DPYD: variants seen among roughly 807,000 people sequenced by gnomAD.
DPYD encodes the protein dihydropyrimidine dehydrogenase, also known as dihydropyrimidine dehydrogenase [NADP(+)].
A neutral mutation model predicts 116.2 loss-of-function variants in DPYD; 109 were observed. That is an observed-to-expected ratio of 0.94 (90% confidence interval 0.80 to 1.10). The LOEUF (loss-of-function observed/expected upper bound fraction) is 1.10, where lower values mean the gene tolerates loss of function less well. Among genes scored for constraint, DPYD ranks in the 50% least tolerant of loss-of-function variants. The pLI is 0.00. For missense variants in DPYD, 1,302 were observed against 1,254.5 expected (o/e 1.04, Z -0.57); for synonymous variants, 440 against 432.0 (o/e 1.02, Z -0.23).
chr1:97,622,210 T>C lies in DPYD; in HGVS notation c.851-27044A>G, dbSNP rs182493309. ...AATTTTTTAGTGGAGAAACCTGACA[T>C]ACACTATGTTAGTCATGAAATCAAG... On this transcript the variant is annotated intron_variant, in intron 8 of 22. Transcript: ENST00000370192. Among the ~76,000 whole-genome samples the C allele has an allele frequency of 2.0e-5, 3 of 152,146 alleles. No homozygotes were observed. The East Asian group carries it at 5.8e-4, about 29-fold the overall frequency.
intron 18 of DPYD, among the ~76,000 whole-genome samples, chr1:97,237,735 A>C (rs2100759984): frequency 6.6e-6 from 1 of 152,338 alleles, no homozygotes; most frequent in African/African-American, 2.4e-5. Flanking sequence ...TTTGATAGAC[A>C]CACAGCTATC....
intron 20 of DPYD, among the ~76,000 whole-genome samples, chr1:97,113,248 G>A (rs115237965): frequency 2.0e-5 from 3 of 151,988 alleles, no homozygotes; most frequent in Admixed American, 6.6e-5. Context: ...AAGCTACAGC[G>A]GGCTCTCTGT....
intron 2 of DPYD, among the ~76,000 whole-genome samples, chr1:97,868,185 T>C (rs552520378): frequency 1.3e-5 from 2 of 151,226 alleles, no homozygotes; most frequent in East Asian, 3.9e-4. Context: ...ATTTATATCA[T>C]GAAAACCATA....
chr1:97,129,204 C>A (rs1653084057), intron 20 of DPYD, among the ~76,000 whole-genome samples: 1 of 151,940 alleles, frequency 6.6e-6, no homozygotes, highest in Non-Finnish European at 1.5e-5. Flanking sequence ...GCTGGGACTA[C>A]AGGCACGTGC....
chr1:97,700,229 C>T, intron 5 of DPYD: 1 of 455,852 alleles, frequency 2.2e-6, no homozygotes, highest in Non-Finnish European at 4.4e-6. Context: ...AGAACCACAG[C>T]TCAGAAAAGA....
intron 8 of DPYD, among the ~76,000 whole-genome samples, chr1:97,631,778 G>C (rs1240923739): frequency 6.6e-6 from 1 of 152,020 alleles, no homozygotes; most frequent in Admixed American, 6.6e-5. Flanking sequence ...GGAGTGGGTA[G>C]AGCTTTATGA....
chr1:97,469,789 T>C (rs1677541805), intron 13 of DPYD, among the ~76,000 whole-genome samples: 1 of 152,196 alleles, frequency 6.6e-6, no homozygotes, highest in South Asian at 2.1e-4. Flanking sequence ...AAATCTAATA[T>C]ACAGAGAAAT....
chr1:97,477,600 T>A (rs1678042154), intron 13 of DPYD, among the ~76,000 whole-genome samples: 1 of 133,016 alleles, frequency 7.5e-6, no homozygotes, highest in South Asian at 2.5e-4. Context: ...CCATGACTGT[T>A]CTTCTTTTTT....
chr1:97,540,244 C>A (rs1412067719), intron 12 of DPYD, among the ~76,000 whole-genome samples: 2 of 148,360 alleles, frequency 1.3e-5, no homozygotes, highest in Non-Finnish European at 3.0e-5. Context: ...TGCTTCTGAC[C>A]AACCAGCTAT....
intron 13 of DPYD, among the ~76,000 whole-genome samples, chr1:97,509,115 T>C (rs1313247734): frequency 1.3e-5 from 2 of 151,972 alleles, no homozygotes; most frequent in Non-Finnish European, 2.9e-5. Context: ...ACTAATATCA[T>C]GTGAAGCAAA....
At chr1:97,093,417 T>A (rs746557574) in intron 21 of DPYD, among the ~76,000 whole-genome samples, 1 of 152,210 alleles carries the variant, frequency 6.6e-6, no homozygotes, top group Non-Finnish European at 1.5e-5. Flanking sequence ...TTGGACAAAA[T>A]GGAAATGAAT....
chr1:97,845,524 C>T (rs1255486273), intron 2 of DPYD, among the ~76,000 whole-genome samples: 1 of 152,200 alleles, frequency 6.6e-6, no homozygotes, highest in Non-Finnish European at 1.5e-5. Context: ...ATGGGTCTCT[C>T]GAGTACTGTT....
At chr1:97,173,295 C>CATATATGCACAT (rs773327264) in intron 20 of DPYD, among the ~76,000 whole-genome samples, 1 of 127,524 alleles carries the variant, frequency 7.8e-6, no homozygotes, top group African/African-American at 2.7e-5. Flanking sequence ...TATATGTACA[C>CATATATGCACAT]ATATGTACAT....
At position 97,682,367 on chromosome 1, in the gene DPYD, G is replaced by A. The variant is rs75861904; in HGVS notation, c.763-3185C>T. Reference sequence around the variant, plus strand: ...GCAGCAGATCCCTGGTAGAAATGAGGACAAAGCCATAACAAGAACATTCCA... The same window carrying A: ...GCAGCAGATCCCTGGTAGAAATGAGAACAAAGCCATAACAAGAACATTCCA... On this transcript the variant is annotated intron_variant, in intron 7 of 22. Transcript: ENST00000370192. Among the ~76,000 whole-genome samples the A allele has an allele frequency of 8.3e-3, 1,254 of 151,816 alleles. 18 individuals are homozygous for A. The highest frequency in any genetic ancestry group is 0.029 in the African/African-American group (1,186 of 41,394).
intron 16 of DPYD, among the ~76,000 whole-genome samples, chr1:97,354,979 A>C (rs762378710): frequency 2.0e-5 from 3 of 152,222 alleles, no homozygotes; most frequent in Non-Finnish European, 2.9e-5. Flanking sequence ...TGAGGAATGA[A>C]TGTGATCCCA....
intron 4 of DPYD, among the ~76,000 whole-genome samples, chr1:97,724,953 A>AAGAG (rs71590231): frequency 0.26 from 31,242 of 118,494 alleles, 4,485 homozygotes; most frequent in African/African-American, 0.37. Flanking sequence ...GAGGGAAGGA[A>AAGAG]AGAGAGAGAG....
At chr1:97,608,189 A>G (rs943911545) in intron 8 of DPYD, among the ~76,000 whole-genome samples, 4 of 151,972 alleles carry the variant, frequency 2.6e-5, no homozygotes, top group African/African-American at 9.7e-5. Flanking sequence ...GCACTGGAGC[A>G]CTTTCTCAAG....
chr1:97,738,731 CAATT>C (rs1209525017), intron 4 of DPYD, among the ~76,000 whole-genome samples: 21 of 150,588 alleles, frequency 1.4e-4, no homozygotes, highest in African/African-American at 3.7e-4. Flanking sequence ...ATTATCTTCT[CAATT>C]AATCATCTTC....
chr1:97,572,743 T>A (rs545699700), intron 11 of DPYD, among the ~76,000 whole-genome samples: 2 of 152,142 alleles, frequency 1.3e-5, no homozygotes, highest in East Asian at 3.9e-4. Flanking sequence ...AAAACATTTA[T>A]CTCGATGACA....
Sources: gnomAD v4.1 joint callset for allele counts (sites outside exome capture counted in the v4.1 genomes callset) on GRCh38, gnomAD v4.1.1 for gene constraint, MANE v1.5 for transcripts, NCBI Gene and HGNC (gene_info 2026-07-23, HGNC 2026-07-21) for gene names.